The following STK32B variants were observed in gnomAD, a reference collection of about 807,000 sequenced individuals.
STK32B encodes serine/threonine kinase 32B.
STK32B carries 43 observed loss-of-function variants against 52.6 expected under a neutral mutation model. The ratio of observed to expected loss-of-function variants is 0.82; its 90% CI spans 0.64 to 1.05. STK32B has a LOEUF of 1.05. Among genes scored for constraint, STK32B ranks in the 50% least tolerant of loss-of-function variants. The pLI is 0.00. For synonymous variants in STK32B, 238 were observed against 204.3 expected (o/e 1.17, Z -1.41); for missense variants, 621 against 534.6 (o/e 1.16, Z -1.59).
At chr4:5,484,848 A>G (rs1719016382) in intron 11 of STK32B, among the ~76,000 whole-genome samples, 1 of 152,118 alleles carries the variant, frequency 6.6e-6, no homozygotes, top group Non-Finnish European at 1.5e-5. Flanking sequence ...TCACTTATGA[A>G]GCATAGTTTG....
chr4:5,277,641 C>T (rs16836947), intron 3 of STK32B, among the ~76,000 whole-genome samples: 20,494 of 152,120 alleles, frequency 0.13, 3,147 homozygotes, highest in African/African-American at 0.38. Flanking sequence ...CTAAAAAAAA[C>T]TAAAAGATAT....
At chr4:5,239,608 A>T (rs1049832672) in intron 3 of STK32B, among the ~76,000 whole-genome samples, 4 of 152,048 alleles carry the variant, frequency 2.6e-5, no homozygotes, top group Non-Finnish European at 5.9e-5. Flanking sequence ...CACCCAACTG[A>T]TGCTGGGCAA....
chr4:5,432,559 G>A (rs958389270), intron 6 of STK32B, among the ~76,000 whole-genome samples: 2 of 149,288 alleles, frequency 1.3e-5, no homozygotes, highest in East Asian at 4.3e-4. Context: ...AGGAGTTCAT[G>A]AATAGGAGTT....
chr4:5,070,626 T>C (rs1711708782), intron 1 of STK32B, among the ~76,000 whole-genome samples: 1 of 152,166 alleles, frequency 6.6e-6, no homozygotes, highest in Non-Finnish European at 1.5e-5. Flanking sequence ...GTGGGCCCAA[T>C]ACAATCCAAG....
intron 3 of STK32B, among the ~76,000 whole-genome samples, chr4:5,280,471 C>T (rs1728122153): frequency 6.6e-6 from 1 of 152,176 alleles, no homozygotes; most frequent in African/African-American, 2.4e-5. Flanking sequence ...CTTCTGATCC[C>T]TCCAAACTGT....
At chr4:5,240,795 G>A (rs1243029005) in intron 3 of STK32B, among the ~76,000 whole-genome samples, 1 of 152,124 alleles carries the variant, frequency 6.6e-6, no homozygotes, top group Non-Finnish European at 1.5e-5. Context: ...CTGCTTTGAT[G>A]ATTGTGCTTC....
intron 11 of STK32B, among the ~76,000 whole-genome samples, chr4:5,481,837 A>G (rs1183257450): frequency 1.3e-5 from 2 of 152,220 alleles, no homozygotes; most frequent in Non-Finnish European, 2.9e-5. Flanking sequence ...TTTATTAAAT[A>G]GGGAATCATT....
At chr4:5,205,465 C>A (rs1207626342) in intron 3 of STK32B, among the ~76,000 whole-genome samples, 1 of 152,200 alleles carries the variant, frequency 6.6e-6, no homozygotes, top group East Asian at 1.9e-4. Context: ...GTCCAGGGCA[C>A]ACAGAGACAG....
intron 3 of STK32B, among the ~76,000 whole-genome samples, chr4:5,250,208 C>A (rs1263449281): frequency 6.6e-6 from 1 of 151,946 alleles, no homozygotes; most frequent in Non-Finnish European, 1.5e-5. Flanking sequence ...AATAGTGCTG[C>A]AGTGAACATG....
intron 3 of STK32B, among the ~76,000 whole-genome samples, chr4:5,296,421 ACTTG>A (rs1729201845): frequency 1.3e-5 from 2 of 152,190 alleles, no homozygotes; most frequent in African/African-American, 2.4e-5. Flanking sequence ...GTCTCTAAGA[ACTTG>A]CTTTATGAAT....
At chr4:5,079,033 C>G (rs1439186835) in intron 1 of STK32B, among the ~76,000 whole-genome samples, 1 of 152,124 alleles carries the variant, frequency 6.6e-6, no homozygotes, top group Admixed American at 6.5e-5. Flanking sequence ...TTCTCATCAC[C>G]CAGAGACAAT....
intron 3 of STK32B, among the ~76,000 whole-genome samples, chr4:5,210,014 A>C (rs1434412271): frequency 6.6e-6 from 1 of 152,238 alleles, no homozygotes; most frequent in Admixed American, 6.5e-5. Context: ...ATTTGGATGT[A>C]ACAGCACAAT....
At chr4:5,448,308 C>T (rs1400040483) in intron 7 of STK32B, among the ~76,000 whole-genome samples, 1 of 152,226 alleles carries the variant, frequency 6.6e-6, no homozygotes, top group African/African-American at 2.4e-5. Flanking sequence ...CTGCATAAGA[C>T]AGGTGCCTGT....
chr4:5,315,650 G>A (rs553632456), intron 3 of STK32B, among the ~76,000 whole-genome samples: 1 of 151,386 alleles, frequency 6.6e-6, no homozygotes, highest in Non-Finnish European at 1.5e-5. Flanking sequence ...ATGGAGTAAG[G>A]CAATTCTTGA....
intron 1 of STK32B, among the ~76,000 whole-genome samples, chr4:5,126,360 C>G (rs1210188971): frequency 6.6e-6 from 1 of 152,216 alleles, no homozygotes; most frequent in Non-Finnish European, 1.5e-5. Flanking sequence ...AGCAGCCACT[C>G]CGGCAAGCCT....
At chr4:5,170,988 T>A (rs1178300960) in intron 3 of STK32B, among the ~76,000 whole-genome samples, 2 of 152,240 alleles carry the variant, frequency 1.3e-5, no homozygotes, top group Non-Finnish European at 2.9e-5. Context: ...GACTTTTTAA[T>A]GATCTCCATT....
At chr4:5,155,485 G>A (rs1355659750) in intron 2 of STK32B, among the ~76,000 whole-genome samples, 1 of 152,072 alleles carries the variant, frequency 6.6e-6, no homozygotes, top group East Asian at 1.9e-4. Context: ...CTATCATGCA[G>A]TTTATAGAGA....
At position 5,338,838 on chromosome 4, in the gene STK32B, G is replaced by A. The variant is rs548980148; in HGVS notation, c.434+7445G>A. On this transcript the variant is annotated intron_variant, in intron 4 of 11. Coordinates refer to ENST00000282908, the MANE Select transcript of STK32B (RefSeq NM_018401.3). ...ATGTTTTAAAGTCTACTAGGCAAAT[G>A]TGTGATGATTAATTTTCTGTGTCAA... Among the ~76,000 whole-genome samples the A allele has an allele frequency of 1.1e-4, 17 of 152,346 alleles. No individual in the cohort carries two copies. In the South Asian group the frequency reaches 2.7e-3, roughly 24 times the overall value.
Position 5,127,236 on chromosome 4 carries a change from G to A in STK32B, c.53-12669G>A, listed in dbSNP as rs73089688. 3.2e-3 allele frequency: 1,447 copies of A among 451,268 alleles called. 24 individuals carry two copies. The highest frequency in any genetic ancestry group is 0.026 in the African/African-American group (1,321 of 50,034). 28.0% of individuals were successfully genotyped at this position (451,268 alleles called of 1,614,324 possible). On this transcript the variant is annotated intron_variant, in intron 1 of 11. Transcript: ENST00000282908. ...GTTGAGCGTCCCAGAAAATTTAAATGTCCTCGTTGTGTGGAATGGATATTA... is the reference window on the plus strand; with the variant it reads ...GTTGAGCGTCCCAGAAAATTTAAATATCCTCGTTGTGTGGAATGGATATTA...
Sources: allele counts gnomAD v4.1 joint callset (sites outside exome capture counted in the v4.1 genomes callset), GRCh38; gene constraint gnomAD v4.1.1; transcripts MANE v1.5; gene names NCBI Gene and HGNC (gene_info 2026-07-23, HGNC 2026-07-21).